Variants in DPP10 observed in about 807,000 individuals in gnomAD.
The protein encoded by DPP10 is inactive dipeptidyl peptidase 10.
In DPP10, 33 loss-of-function variants were observed where a neutral mutation model predicts 120.9. The ratio of observed to expected loss-of-function variants is 0.27; its 90% CI spans 0.21 to 0.37. The LOEUF is 0.37. DPP10 is among the 10% of genes least tolerant of loss of function. DPP10 has a pLI of 1.00. For synonymous variants in DPP10, 337 were observed against 326.1 expected (o/e 1.03, Z -0.36); for missense variants, 816 against 942.8 (o/e 0.87, Z 1.76).
rs1165911601 is a variant in DPP10, at chr2:114,563,128, C to T, written c.60+120290C>T. The stretch of plus-strand genomic sequence containing the variant: ...GTGGCTCACGCCTGTAATCCCAGTA[C>T]TTTGGGAGGCCAAGGCGGGCGGATC... On this transcript the variant is annotated intron_variant, in intron 1 of 25. Coordinates refer to ENST00000410059, the MANE Select transcript of DPP10 (RefSeq NM_020868.6). Among the ~76,000 whole-genome samples, 5 of 152,300 alleles carry T rather than the reference C, an allele frequency of 3.3e-5. No homozygotes were observed. In the East Asian group the frequency reaches 7.7e-4, roughly 24 times the overall value.
At chr2:115,089,216 G>T (rs191989654) in intron 1 of DPP10, among the ~76,000 whole-genome samples, 2 of 151,584 alleles carry the variant, frequency 1.3e-5, no homozygotes, top group African/African-American at 4.9e-5. Flanking sequence ...GTCAATCATC[G>T]CATTGATCAT....
intron 2 of DPP10, among the ~76,000 whole-genome samples, chr2:115,342,467 G>A (rs1312893280): frequency 6.6e-6 from 1 of 152,092 alleles, no homozygotes; most frequent in Non-Finnish European, 1.5e-5. Flanking sequence ...ACCCGCCTTG[G>A]CCTCGCAAAG....
At chr2:114,992,320 A>G (rs944293218) in intron 1 of DPP10, among the ~76,000 whole-genome samples, 2 of 152,126 alleles carry the variant, frequency 1.3e-5, no homozygotes, top group Admixed American at 6.6e-5. Flanking sequence ...ACATCCCTCT[A>G]GTTCACAGGT....
At chr2:114,788,599 A>G (rs1682974030) in intron 1 of DPP10, among the ~76,000 whole-genome samples, 1 of 152,032 alleles carries the variant, frequency 6.6e-6, no homozygotes, top group Non-Finnish European at 1.5e-5. Flanking sequence ...TTGTATTTTT[A>G]GTAGAGACGG....
intron 3 of DPP10, among the ~76,000 whole-genome samples, chr2:115,395,422 CAT>C (rs528255814): frequency 8.8e-4 from 134 of 152,298 alleles, no homozygotes; most frequent in African/African-American, 3.1e-3. Context: ...AGAGCTTTGA[CAT>C]GTGGGTTTCA....
At position 115,703,103 on chromosome 2, in the gene DPP10, T is replaced by A. The variant is rs576377912; in HGVS notation, c.576+13182T>A. ...AATTTCAAAAATCAGGTGAAGGGAT[T>A]TCACCTTTAGAAGGAAAAACATAGT... On this transcript the variant is annotated intron_variant, in intron 7 of 25. Coordinates refer to ENST00000410059, the MANE Select transcript of DPP10 (RefSeq NM_020868.6). 2.6e-5 allele frequency among the ~76,000 whole-genome samples: 4 copies of A among 152,076 alleles called. No homozygotes were observed. In the East Asian group the frequency reaches 7.7e-4, roughly 29 times the overall value.
intron 1 of DPP10, among the ~76,000 whole-genome samples, chr2:114,523,643 C>T (rs937032577): frequency 6.6e-6 from 1 of 152,112 alleles, no homozygotes; most frequent in African/African-American, 2.4e-5. Context: ...AAAGCCTAGA[C>T]TTTTTTTAAG....
intron 5 of DPP10, among the ~76,000 whole-genome samples, chr2:115,553,883 A>G (rs1162184588): frequency 1.3e-5 from 2 of 151,764 alleles, no homozygotes; most frequent in Non-Finnish European, 2.9e-5. Context: ...ACAACTTTCA[A>G]AATAAGTCAC....
intron 3 of DPP10, among the ~76,000 whole-genome samples, chr2:115,463,022 G>T (rs1056145947): frequency 6.6e-6 from 1 of 152,098 alleles, no homozygotes; most frequent in South Asian, 2.1e-4. Flanking sequence ...TAGCTGCTGC[G>T]CCCAGCCTAT....
Position 114,984,530 on chromosome 2 carries a change from A to G in DPP10, c.61-324709A>G, listed in dbSNP as rs903986622. On this transcript the variant is annotated intron_variant, in intron 1 of 25. Coordinates refer to ENST00000410059, the MANE Select transcript of DPP10 (RefSeq NM_020868.6). ...AAAACAGCTGGGTGCAGTGGCATGC[A>G]CCTGTGGCCCCAGCTACTTAGGAGG... Among the ~76,000 whole-genome samples the G allele has an allele frequency of 4.6e-5, 7 of 152,268 alleles. No individual in the cohort carries two copies. The East Asian group carries it at 5.8e-4, about 13-fold the overall frequency.
chr2:115,148,176 T>C (rs1443702017), intron 1 of DPP10, among the ~76,000 whole-genome samples: 1 of 152,184 alleles, frequency 6.6e-6, no homozygotes, highest in African/African-American at 2.4e-5. Context: ...CTATATAACA[T>C]AGGCTGTTTA....
chr2:115,604,079 GTTTTTT>G lies in DPP10; in HGVS notation c.441+78129_441+78134del, dbSNP rs201075278. Among the ~76,000 whole-genome samples, 313 of 148,356 alleles carry G rather than the reference GTTTTTT, an allele frequency of 2.1e-3. 3 individuals are homozygous for G. Among genetic ancestry groups the G allele is most frequent in the South Asian group, 0.01 (47 of 4,684 alleles). On this transcript the variant is annotated intron_variant, in intron 5 of 25. Coordinates refer to ENST00000410059, the MANE Select transcript of DPP10 (RefSeq NM_020868.6). ...AGCTGAATAAACCTCCCTTCTAGCT[GTTTTTT>G]TTTTTTTTTTTTTTTTTTTTTAAGA...
At chr2:114,610,698 C>G (rs1239185307) in intron 1 of DPP10, among the ~76,000 whole-genome samples, 1 of 152,112 alleles carries the variant, frequency 6.6e-6, no homozygotes, top group Non-Finnish European at 1.5e-5. Flanking sequence ...GACGGCAACT[C>G]TCTCACCCAC....
chr2:115,772,540 G>A (rs1241801708), intron 13 of DPP10, among the ~76,000 whole-genome samples: 1 of 152,040 alleles, frequency 6.6e-6, no homozygotes, highest in African/African-American at 2.4e-5. Flanking sequence ...AATCTATATA[G>A]CTAAAGAAAC....
chr2:114,869,852 G>A (rs979563969), intron 1 of DPP10, among the ~76,000 whole-genome samples: 1 of 152,158 alleles, frequency 6.6e-6, no homozygotes, highest in African/African-American at 2.4e-5. Flanking sequence ...GAACCTGAAC[G>A]CATGCTTTTC....
chr2:115,312,199 C>T (rs2061607128), intron 2 of DPP10, among the ~76,000 whole-genome samples: 1 of 152,040 alleles, frequency 6.6e-6, no homozygotes, highest in South Asian at 2.1e-4. Context: ...AAAGGTATTG[C>T]TGTAGGAAGC....
chr2:115,011,757 T>A (rs900264533), intron 1 of DPP10, among the ~76,000 whole-genome samples: 44 of 152,156 alleles, frequency 2.9e-4, no homozygotes, highest in African/African-American at 1.1e-3. Flanking sequence ...ACTGCAAGAA[T>A]GTACCAGGAA....
chr2:115,130,338 G>A (rs1165773887), intron 1 of DPP10, among the ~76,000 whole-genome samples: 2 of 151,966 alleles, frequency 1.3e-5, no homozygotes, highest in Admixed American at 1.3e-4. Flanking sequence ...CTGTTGTTAC[G>A]TTCTTCCTTA....
intron 1 of DPP10, among the ~76,000 whole-genome samples, chr2:115,107,422 C>CTTTTTTTTTT (rs59046305): frequency 1.7e-5 from 1 of 59,852 alleles, no homozygotes; most frequent in Non-Finnish European, 2.9e-5. Context: ...TTGGTTATAG[C>CTTTTTTTTTT]TTTTTTTTTT....
Sources: allele counts gnomAD v4.1 joint callset (sites outside exome capture counted in the v4.1 genomes callset), GRCh38; gene constraint gnomAD v4.1.1; transcripts MANE v1.5; gene names NCBI Gene and HGNC (gene_info 2026-07-23, HGNC 2026-07-21).